The following SYNPO2 variants were observed in gnomAD, a reference collection of about 807,000 sequenced individuals.
The protein encoded by SYNPO2 is synaptopodin-2.
Under a neutral mutation model 85.0 loss-of-function variants are expected in SYNPO2, and 56 were observed. The observed-to-expected ratio is 0.66, with a 90% CI of 0.53 to 0.82. The LOEUF (loss-of-function observed/expected upper bound fraction) is 0.82, where lower values mean the gene tolerates loss of function less well. Ranked by LOEUF, SYNPO2 falls within the 40% of genes least tolerant of loss-of-function variation. The pLI is 0.00. For synonymous variants in SYNPO2, 602 were observed against 591.1 expected (o/e 1.02, Z -0.27); for missense variants, 1,575 against 1,534.2 (o/e 1.03, Z -0.44).
intron 1 of SYNPO2, among the ~76,000 whole-genome samples, chr4:118,989,992 T>C (rs1361976956): frequency 1.3e-5 from 2 of 152,220 alleles, no homozygotes; most frequent in Non-Finnish European, 2.9e-5. Context: ...CCTCTGCCCC[T>C]AAAGGTGAGA....
chr4:118,865,243 G>T (rs1293822287), intron 1 of SYNPO2, among the ~76,000 whole-genome samples: 1 of 152,196 alleles, frequency 6.6e-6, no homozygotes, highest in African/African-American at 2.4e-5. Context: ...ACTGCGGTAG[G>T]AACTGGAAGC....
intron 4 of SYNPO2, among the ~76,000 whole-genome samples, chr4:119,055,799 T>G (rs534343934): frequency 3.3e-5 from 5 of 152,272 alleles, no homozygotes; most frequent in Middle Eastern, 3.4e-3. Flanking sequence ...TAAGTAAAAT[T>G]TAAATGATTA....
chr4:118,872,458 A>T (rs1425311508), intron 1 of SYNPO2, among the ~76,000 whole-genome samples: 1 of 152,242 alleles, frequency 6.6e-6, no homozygotes, highest in Non-Finnish European at 1.5e-5. Flanking sequence ...TGTTTTAAAA[A>T]TGATTATAGT....
At chr4:118,869,776 A>C (rs1236384791) in intron 1 of SYNPO2, among the ~76,000 whole-genome samples, 1 of 152,206 alleles carries the variant, frequency 6.6e-6, no homozygotes, top group Non-Finnish European at 1.5e-5. Flanking sequence ...GGTGGGTTTC[A>C]GGCACCATTC....
intron 4 of SYNPO2, among the ~76,000 whole-genome samples, chr4:119,049,745 A>C (rs1738976994): frequency 6.6e-6 from 1 of 152,222 alleles, no homozygotes; most frequent in African/African-American, 2.4e-5. Context: ...ATAAACCAAC[A>C]TTTAATTGAC....
At chr4:119,036,915 A>G (rs1738535877) in intron 4 of SYNPO2, 6 of 1,193,526 alleles carry the variant, frequency 5.0e-6, no homozygotes, top group Non-Finnish European at 6.2e-6. Context: ...GCCAGCCAAT[A>G]AAGTGCATCC....
intron 1 of SYNPO2, among the ~76,000 whole-genome samples, chr4:118,950,837 G>A (rs1158124589): frequency 6.6e-6 from 1 of 152,166 alleles, no homozygotes; most frequent in Non-Finnish European, 1.5e-5. Context: ...TTGAGTCTCA[G>A]AAATTCAGAT....
chr4:118,981,941 T>A (rs1261740778), intron 1 of SYNPO2, among the ~76,000 whole-genome samples: 1 of 152,182 alleles, frequency 6.6e-6, no homozygotes, highest in African/African-American at 2.4e-5. Flanking sequence ...AGGAAAATAG[T>A]TGACTATTCT....
chr4:118,991,373 C>T (rs1736410972), intron 1 of SYNPO2, among the ~76,000 whole-genome samples: 3 of 152,028 alleles, frequency 2.0e-5, no homozygotes, highest in Admixed American at 1.3e-4. Flanking sequence ...GTCTTGAACT[C>T]CTGACCTCAG....
intron 1 of SYNPO2, among the ~76,000 whole-genome samples, chr4:118,915,460 G>A (rs915832957): frequency 2.0e-5 from 3 of 151,954 alleles, no homozygotes; most frequent in Admixed American, 6.6e-5. Context: ...GTAATCTTCG[G>A]GACTTGTTTT....
intron 1 of SYNPO2, among the ~76,000 whole-genome samples, chr4:118,999,226 G>T (rs765115596): frequency 7.9e-5 from 12 of 152,112 alleles, no homozygotes; most frequent in Non-Finnish European, 1.5e-4. Context: ...ATGGCTCACC[G>T]CAGTCTCCAC....
At chr4:119,032,232 T>G in intron 4 of SYNPO2, 1 of 1,432,302 alleles carries the variant, frequency 7.0e-7, no homozygotes, top group Non-Finnish European at 9.1e-7. Flanking sequence ...CAACTCAGAT[T>G]GACCTAAAAT....
Position 119,060,904 on chromosome 4 carries a change from T to A in SYNPO2, c.*2970T>A, listed in dbSNP as rs1039453066. 2 of 152,148 alleles carry A rather than the reference T, an allele frequency of 1.3e-5. No individual in the cohort carries two copies. Among genetic ancestry groups the A allele is most frequent in the Non-Finnish European group, 2.9e-5 (2 of 68,000 alleles). The allele number at this position is 152,148 out of a possible 1,614,324, so 9.4% of individuals were successfully genotyped here. A position where few individuals can be genotyped will look rare whatever the true frequency, so the allele number is the denominator to read the frequency against. On this transcript the variant is annotated 3_prime_UTR_variant, in exon 5 of 5. Transcript: ENST00000307142. ...TTGTTCATTTATCTCTGAATATGTC[T>A]CTTTTATATTTTGGCACAATTATAC...
chr4:118,863,982 T>C (rs2110567443), intron 1 of SYNPO2, among the ~76,000 whole-genome samples: 1 of 152,328 alleles, frequency 6.6e-6, no homozygotes, highest in South Asian at 2.1e-4. Flanking sequence ...ATTATTTCTT[T>C]TCTTCGACTA....
At position 118,880,387 on chromosome 4, in the gene SYNPO2, G is replaced by T. The variant is rs574833528; in HGVS notation, c.12+29447G>T. Among the ~76,000 whole-genome samples, 9 of 152,196 alleles carry T rather than the reference G, an allele frequency of 5.9e-5. No individual in the cohort carries two copies. The South Asian group carries it at 1.9e-3, about 32-fold the overall frequency. ...AGCTCCAGATTTTAACACTGATTTT[G>T]GGGGGTATAATTTAGTGGCAGTTCC... On this transcript the variant is annotated intron_variant, in intron 1 of 4. Transcript: ENST00000610556.
At chr4:118,943,853 C>T (rs1734407673) in intron 1 of SYNPO2, among the ~76,000 whole-genome samples, 1 of 152,094 alleles carries the variant, frequency 6.6e-6, no homozygotes, top group South Asian at 2.1e-4. Context: ...TAAGTGTGTA[C>T]CTCTCAAGGT....
At chr4:119,037,482 A>AGAAAGTAGAAGT in intron 4 of SYNPO2, 3 of 1,033,296 alleles carry the variant, frequency 2.9e-6, no homozygotes, top group African/African-American at 3.4e-5. Flanking sequence ...TCTTCAGGAT[A>AGAAAGTAGAAGT]CACGGTAGAA....
At chr4:119,035,584 G>A (rs1029923250) in intron 4 of SYNPO2, 11 of 985,064 alleles carry the variant, frequency 1.1e-5, no homozygotes, top group African/African-American at 5.2e-5. Context: ...GATTGTTAGT[G>A]GTAACATATA....
chr4:118,950,556 C>T (rs1330187945), intron 1 of SYNPO2, among the ~76,000 whole-genome samples: 1 of 152,144 alleles, frequency 6.6e-6, no homozygotes, highest in Non-Finnish European at 1.5e-5. Flanking sequence ...AGAATGGTCC[C>T]CAACTGTCTG....
Sources: allele counts gnomAD v4.1 joint callset (sites outside exome capture counted in the v4.1 genomes callset), GRCh38; gene constraint gnomAD v4.1.1; transcripts MANE v1.5; gene names NCBI Gene and HGNC (gene_info 2026-07-23, HGNC 2026-07-21).